The following CNTN5 variants were observed in gnomAD, a reference collection of about 807,000 sequenced individuals.
CNTN5 encodes the protein contactin-5.
CNTN5 carries 77 observed loss-of-function variants against 129.1 expected under a neutral mutation model. That is an observed-to-expected ratio of 0.60 (90% confidence interval 0.50 to 0.72). CNTN5 has a LOEUF of 0.72. CNTN5 is among the 30% of genes least tolerant of loss of function. CNTN5 has a pLI of 0.00. For synonymous variants in CNTN5, 509 were observed against 465.6 expected (o/e 1.09, Z -1.20); for missense variants, 1,478 against 1,328.8 (o/e 1.11, Z -1.75).
At chr11:99,152,159 T>C (rs1171921762) in intron 1 of CNTN5, among the ~76,000 whole-genome samples, 2 of 152,210 alleles carry the variant, frequency 1.3e-5, no homozygotes, top group East Asian at 3.9e-4. Context: ...GGTAAAAATC[T>C]ACAGTCATTA....
intron 1 of CNTN5, among the ~76,000 whole-genome samples, chr11:99,238,325 C>A (rs371305768): frequency 6.6e-6 from 1 of 151,960 alleles, no homozygotes; most frequent in Non-Finnish European, 1.5e-5. Context: ...AAACATGGGG[C>A]GTTTGACCTT....
At chr11:99,176,216 C>CT (rs915724262) in intron 1 of CNTN5, among the ~76,000 whole-genome samples, 6 of 151,504 alleles carry the variant, frequency 4.0e-5, no homozygotes, top group Middle Eastern at 3.2e-3. Context: ...ATGAGCCATT[C>CT]TTTTTTTTTC....
At chr11:99,475,341 G>T (rs954115310) in intron 2 of CNTN5, among the ~76,000 whole-genome samples, 163 of 152,234 alleles carry the variant, frequency 1.1e-3, no homozygotes, top group Non-Finnish European at 2.2e-3. Flanking sequence ...GAATATCCCA[G>T]CCTCTAGAAC....
chr11:99,655,928 A>T (rs1395968947), intron 3 of CNTN5, among the ~76,000 whole-genome samples: 1 of 151,402 alleles, frequency 6.6e-6, no homozygotes, highest in Non-Finnish European at 1.5e-5. Context: ...CATAAAATAC[A>T]AATATATACA....
intron 2 of CNTN5, among the ~76,000 whole-genome samples, chr11:99,555,490 T>C (rs1948634327): frequency 6.6e-6 from 1 of 152,016 alleles, no homozygotes; most frequent in South Asian, 2.1e-4. Flanking sequence ...GCTATACTGG[T>C]TATTGTTATA....
Position 100,012,444 on chromosome 11 carries a change from T to C in CNTN5, c.980+10308T>C, listed in dbSNP as rs78008932. On this transcript the variant is annotated intron_variant, in intron 9 of 24. Coordinates refer to ENST00000524871, the MANE Select transcript of CNTN5 (RefSeq NM_014361.4). ...TTCATAGGGCAAACTTTGAAGGAAA[T>C]ATTTAATTTACTTATAGGCTTTTAC... is the stretch of plus-strand genomic sequence containing the variant. 4.5e-3 allele frequency among the ~76,000 whole-genome samples: 690 copies of C among 152,224 alleles called. 5 individuals are homozygous for C. Among genetic ancestry groups the C allele is most frequent in the African/African-American group, 0.015 (637 of 41,498 alleles).
At chr11:99,346,530 T>C (rs1473569554) in intron 2 of CNTN5, among the ~76,000 whole-genome samples, 1 of 152,028 alleles carries the variant, frequency 6.6e-6, no homozygotes, top group Admixed American at 6.6e-5. Context: ...AGGTGTCAGC[T>C]CTCCCACAAG....
intron 6 of CNTN5, among the ~76,000 whole-genome samples, chr11:99,910,084 A>G (rs978199757): frequency 2.6e-5 from 4 of 152,068 alleles, no homozygotes; most frequent in African/African-American, 9.7e-5. Flanking sequence ...AGATTTTTAA[A>G]TGCTAATTTC....
At chr11:99,898,815 G>A (rs956878358) in intron 6 of CNTN5, among the ~76,000 whole-genome samples, 1 of 151,640 alleles carries the variant, frequency 6.6e-6, no homozygotes, top group Non-Finnish European at 1.5e-5. Flanking sequence ...CCCAAGTAAT[G>A]TTAAATTTAT....
At chr11:99,659,513 T>C (rs904371125) in intron 3 of CNTN5, among the ~76,000 whole-genome samples, 1 of 152,166 alleles carries the variant, frequency 6.6e-6, no homozygotes, top group Non-Finnish European at 1.5e-5. Context: ...GGTGTGTATA[T>C]GTATATAGAC....
Position 99,041,897 on chromosome 11 carries a change from A to G in CNTN5, c.-210+20627A>G, listed in dbSNP as rs553117478. Among the ~76,000 whole-genome samples, 4 of 152,320 alleles carry G rather than the reference A, an allele frequency of 2.6e-5. No individual in the cohort carries two copies. In the South Asian group the frequency reaches 6.2e-4, roughly 24 times the overall value. On this transcript the variant is annotated intron_variant, in intron 1 of 24. Coordinates refer to ENST00000524871, the MANE Select transcript of CNTN5 (RefSeq NM_014361.4). ...TTTGGCAAATGATTTCATAGAAACA[A>G]TACAAAAGTATATATGCCAATGTGT... is the stretch of plus-strand genomic sequence containing the variant.
chr11:99,595,510 A>T (rs1950098894), intron 3 of CNTN5, among the ~76,000 whole-genome samples: 1 of 152,158 alleles, frequency 6.6e-6, no homozygotes, highest in Non-Finnish European at 1.5e-5. Flanking sequence ...ATCAACATGA[A>T]ATATTAGTAA....
chr11:100,051,923 T>C (rs78369576), intron 9 of CNTN5, among the ~76,000 whole-genome samples: 6,550 of 151,902 alleles, frequency 0.043, 159 homozygotes, highest in African/African-American at 0.071. Context: ...TCCATATCTA[T>C]CAGTGAAATT....
chr11:99,299,517 A>G lies in CNTN5; in HGVS notation c.-209-25829A>G, dbSNP rs137915974. Reference sequence around the variant, plus strand: ...TTATCCAGTCTAAGAAACAAACCAAAAAAAGGAAGTAAAGAAAAATAAACA... The same window carrying G: ...TTATCCAGTCTAAGAAACAAACCAAGAAAAGGAAGTAAAGAAAAATAAACA... On this transcript the variant is annotated intron_variant, in intron 1 of 24. Transcript: ENST00000524871. Among the ~76,000 whole-genome samples, 867 of 152,320 alleles carry G rather than the reference A, an allele frequency of 5.7e-3. 3 individuals are homozygous for G. The highest frequency in any genetic ancestry group is 0.017 in the Middle Eastern group (5 of 294).
chr11:99,647,710 C>T (rs1262006333), intron 3 of CNTN5, among the ~76,000 whole-genome samples: 1 of 151,180 alleles, frequency 6.6e-6, no homozygotes, highest in Non-Finnish European at 1.5e-5. Context: ...TCTTTGATTT[C>T]TTTCATCAGT....
intron 3 of CNTN5, among the ~76,000 whole-genome samples, chr11:99,713,945 T>C (rs1463236988): frequency 6.6e-6 from 1 of 151,938 alleles, no homozygotes. Context: ...ATAGAATTCT[T>C]AGATTTCGTG....
At chr11:100,256,775 A>G (rs1271559935) in intron 17 of CNTN5, among the ~76,000 whole-genome samples, 1 of 151,934 alleles carries the variant, frequency 6.6e-6, no homozygotes, top group Non-Finnish European at 1.5e-5. Flanking sequence ...CAGCCCAGAT[A>G]CTACACTTTT....
intron 8 of CNTN5, among the ~76,000 whole-genome samples, chr11:99,999,202 C>T (rs1212712495): frequency 6.6e-6 from 1 of 152,046 alleles, no homozygotes; most frequent in Non-Finnish European, 1.5e-5. Flanking sequence ...AAGAAACTAC[C>T]ATCAGAGTGA....
intron 2 of CNTN5, among the ~76,000 whole-genome samples, chr11:99,421,181 T>C (rs1259908477): frequency 7.0e-6 from 1 of 142,436 alleles, no homozygotes; most frequent in African/African-American, 3.1e-5. Context: ...GAGTACCTAC[T>C]GTGTGCTAGA....
Sources: allele counts gnomAD v4.1 joint callset (sites outside exome capture counted in the v4.1 genomes callset), GRCh38; gene constraint gnomAD v4.1.1; transcripts MANE v1.5; gene names NCBI Gene and HGNC (gene_info 2026-07-23, HGNC 2026-07-21).